The following LRRC4C variants were observed in gnomAD, a reference collection of about 807,000 sequenced individuals.
LRRC4C encodes the protein leucine-rich repeat-containing protein 4C.
In LRRC4C, 5 loss-of-function variants were observed where a neutral mutation model predicts 33.6. That is an observed-to-expected ratio of 0.15 (90% CI 0.08 to 0.31). LRRC4C has a LOEUF of 0.31. Ranked by LOEUF, LRRC4C falls within the 10% of genes least tolerant of loss-of-function variation. LRRC4C has a pLI of 1.00. For missense variants in LRRC4C, 560 were observed against 796.7 expected (o/e 0.70, Z 3.58); for synonymous variants, 329 against 302.0 (o/e 1.09, Z -0.93).
chr11:40,201,090 G>A (rs1305586875), intron 5 of LRRC4C, among the ~76,000 whole-genome samples: 1 of 152,184 alleles, frequency 6.6e-6, no homozygotes, highest in East Asian at 1.9e-4. Flanking sequence ...GAGAAAAAGA[G>A]AGAGAGAATG....
At chr11:41,240,675 C>T (rs1948214445) in intron 1 of LRRC4C, among the ~76,000 whole-genome samples, 1 of 152,062 alleles carries the variant, frequency 6.6e-6, no homozygotes, top group African/African-American at 2.4e-5. Context: ...TCATGAAGGA[C>T]CTACATGGGG....
chr11:41,084,892 C>G (rs1284242045), intron 1 of LRRC4C, among the ~76,000 whole-genome samples: 1 of 152,042 alleles, frequency 6.6e-6, no homozygotes, highest in Admixed American at 6.6e-5. Context: ...TCCTTATCCT[C>G]TGTATTAATT....
chr11:40,911,415 C>T (rs768621174), intron 2 of LRRC4C, among the ~76,000 whole-genome samples: 6 of 152,238 alleles, frequency 3.9e-5, no homozygotes, highest in South Asian at 2.1e-4. Context: ...CATCCTCTGA[C>T]GCTGATACCC....
intron 1 of LRRC4C, among the ~76,000 whole-genome samples, chr11:41,035,324 G>A (rs985549140): frequency 6.6e-6 from 1 of 151,970 alleles, no homozygotes; most frequent in East Asian, 1.9e-4. Flanking sequence ...CCATCACCTA[G>A]GTATTAAGGT....
intron 1 of LRRC4C, among the ~76,000 whole-genome samples, chr11:41,212,586 C>A (rs148009941): frequency 3.5e-4 from 54 of 152,256 alleles, no homozygotes; most frequent in African/African-American, 1.3e-3. Context: ...TTCTTCCCAC[C>A]CCTCCCCTCA....
intron 1 of LRRC4C, among the ~76,000 whole-genome samples, chr11:41,201,929 C>CACAA (rs1946415678): frequency 3.7e-5 from 1 of 27,234 alleles, no homozygotes; most frequent in African/African-American, 5.4e-5. Context: ...CAAACACACA[C>CACAA]ACACACACAC....
chr11:40,499,941 G>C (rs1391874708), intron 3 of LRRC4C, among the ~76,000 whole-genome samples: 2 of 152,072 alleles, frequency 1.3e-5, no homozygotes, highest in Non-Finnish European at 2.9e-5. Flanking sequence ...AGGAATCAGA[G>C]AGAAGGGATC....
chr11:41,306,722 G>C (rs1950515514), intron 1 of LRRC4C, among the ~76,000 whole-genome samples: 2 of 152,190 alleles, frequency 1.3e-5, no homozygotes, highest in South Asian at 4.1e-4. Flanking sequence ...AACCTTGGGT[G>C]GGCGGATTTG....
chr11:40,792,724 T>C (rs11036080), intron 2 of LRRC4C, among the ~76,000 whole-genome samples: 15,222 of 151,564 alleles, frequency 0.1, 1,201 homozygotes, highest in African/African-American at 0.22. Flanking sequence ...ATAGCAAAGA[T>C]TTGGAACCAA....
At chr11:40,610,556 G>A (rs61888418) in intron 3 of LRRC4C, among the ~76,000 whole-genome samples, 65,811 of 151,000 alleles carry the variant, frequency 0.44, 15,325 homozygotes, top group Middle Eastern at 0.57. Flanking sequence ...AACAAAAAGC[G>A]TTCAAATAAA....
intron 1 of LRRC4C, among the ~76,000 whole-genome samples, chr11:41,127,320 T>C (rs1205497084): frequency 6.6e-6 from 1 of 151,884 alleles, no homozygotes; most frequent in Non-Finnish European, 1.5e-5. Context: ...AAGACCTAAT[T>C]CAAACTCCTT....
At chr11:40,699,314 C>T (rs1052348686) in intron 2 of LRRC4C, among the ~76,000 whole-genome samples, 7 of 152,160 alleles carry the variant, frequency 4.6e-5, no homozygotes, top group East Asian at 1.9e-4. Flanking sequence ...GTCTGGTACA[C>T]GCCAAATGGC....
At chr11:40,614,403 C>T (rs1002123269) in intron 3 of LRRC4C, among the ~76,000 whole-genome samples, 1 of 107,304 alleles carries the variant, frequency 9.3e-6, no homozygotes, top group South Asian at 3.0e-4. Context: ...GATGCTTCCT[C>T]ACCTTTCTAA....
At chr11:40,240,497 C>T (rs1865860414) in intron 5 of LRRC4C, among the ~76,000 whole-genome samples, 1 of 152,164 alleles carries the variant, frequency 6.6e-6, no homozygotes, top group African/African-American at 2.4e-5. Context: ...ACTCTTGAAT[C>T]TTTTGCCTTT....
intron 3 of LRRC4C, among the ~76,000 whole-genome samples, chr11:40,485,668 G>T (rs1186613392): frequency 6.6e-6 from 1 of 151,856 alleles, no homozygotes; most frequent in East Asian, 1.9e-4. Context: ...TATACCCGAA[G>T]GAATATAAAT....
chr11:40,950,521 G>T (rs1958646051), intron 1 of LRRC4C, among the ~76,000 whole-genome samples: 1 of 151,858 alleles, frequency 6.6e-6, no homozygotes, highest in Non-Finnish European at 1.5e-5. Context: ...TCACTTGCCT[G>T]CTCCATCTGT....
At chr11:41,267,549 T>G (rs187334527) in intron 1 of LRRC4C, among the ~76,000 whole-genome samples, 231 of 152,256 alleles carry the variant, frequency 1.5e-3, no homozygotes, top group African/African-American at 5.4e-3. Context: ...ATAACAAATG[T>G]ATGACTGCTT....
chr11:41,162,192 T>C (rs1944502218), intron 1 of LRRC4C, among the ~76,000 whole-genome samples: 1 of 152,140 alleles, frequency 6.6e-6, no homozygotes, highest in Non-Finnish European at 1.5e-5. Flanking sequence ...TCGCCTTTGA[T>C]TGGACAATAA....
chr11:41,251,911 T>C (rs1169741066), intron 1 of LRRC4C, among the ~76,000 whole-genome samples: 1 of 152,066 alleles, frequency 6.6e-6, no homozygotes, highest in Non-Finnish European at 1.5e-5. Flanking sequence ...TCATGAGGTA[T>C]CATGTGATAA....
Sources: gnomAD v4.1 joint callset for allele counts (sites outside exome capture counted in the v4.1 genomes callset) on GRCh38, gnomAD v4.1.1 for gene constraint, MANE v1.5 for transcripts, NCBI Gene and HGNC (gene_info 2026-07-23, HGNC 2026-07-21) for gene names.